PTPN1: variants seen among roughly 807,000 people sequenced by gnomAD.
PTPN1 encodes the protein protein tyrosine phosphatase non-receptor type 1, also known as tyrosine-protein phosphatase non-receptor type 1.
PTPN1 carries 12 observed loss-of-function variants against 59.9 expected under a neutral mutation model. The observed-to-expected ratio is 0.20, with a 90% CI of 0.13 to 0.32. The LOEUF (loss-of-function observed/expected upper bound fraction) is 0.32, where lower values mean the gene tolerates loss of function less well. Ranked by LOEUF, PTPN1 falls within the 10% of genes least tolerant of loss-of-function variation. The pLI, the probability that PTPN1 is intolerant of heterozygous loss-of-function variation, is 1.00. For missense variants in PTPN1, 356 were observed against 549.2 expected, an observed-to-expected ratio of 0.65 and a Z score of 3.52; for synonymous variants, 178 against 203.6, an observed-to-expected ratio of 0.87 and a Z score of 1.07.
rs2082871877 is a variant in PTPN1, at chr20:50,582,138, G to A, written c.1285-554G>A. 6.6e-6 allele frequency among the ~76,000 whole-genome samples: 1 copy of A among 152,228 alleles called. No homozygotes were observed. On this transcript the variant is annotated intron_variant, in intron 9 of 9. Transcript: ENST00000371621. The surrounding 1 kb of genome is among the most constrained non-coding windows in gnomAD (Gnocchi z 4.2). The stretch of plus-strand genomic sequence containing the variant: ...CTTCTGCTCAGGGTGTCCCCGCTGG[G>A]TTTCCATTGTCCTTTCTCCATTGCT...
rs1258528842 is a variant in PTPN1 at position 50,510,553 on chromosome 20, A to G, written c.26A>G (p.Gln9Arg). 1.9e-6 allele frequency: 3 copies of G among 1,551,016 alleles called. No homozygotes were observed. The highest frequency in any genetic ancestry group is 2.6e-6 in the Non-Finnish European group (3 of 1,146,702). The change falls in exon 1 of 10, where the codon CAG becomes CGG. Residue 9 changes from glutamine (Q) to arginine (R), a missense_variant. By Grantham distance (43) the Gln-to-Arg change is conservative. This residue lies in a region of PTPN1 where 194 missense variants were observed against 344.2 expected (regional missense o/e 0.56). Transcript: ENST00000371621. MEMEKEFEQIDKSGSWAAI... is the reference protein window; with the variant it reads MEMEKEFERIDKSGSWAAI... ...ATGGAGATGGAAAAGGAGTTCGAGC[A>G]GATCGACAAGTCCGGGAGCTGGGCG...
intron 1 of PTPN1, among the ~76,000 whole-genome samples, chr20:50,546,701 A>G (rs1261123880): frequency 6.6e-6 from 1 of 152,242 alleles, no homozygotes; most frequent in African/African-American, 2.4e-5. Flanking sequence ...CCAAAGTATC[A>G]TCCTAGTTTT....
chr20:50,580,566 C>T (rs1303654560), intron 8 of PTPN1, among the ~76,000 whole-genome samples: 2 of 152,080 alleles, frequency 1.3e-5, no homozygotes, highest in African/African-American at 2.4e-5. Flanking sequence ...AGTAGGTGGC[C>T]GTGCACGGAA....
At chr20:50,547,882 A>G (rs1397711689) in intron 1 of PTPN1, among the ~76,000 whole-genome samples, 1 of 152,238 alleles carries the variant, frequency 6.6e-6, no homozygotes, top group East Asian at 1.9e-4. Context: ...TAGGGTCACC[A>G]TCAATGACAA....
intron 1 of PTPN1, among the ~76,000 whole-genome samples, chr20:50,534,071 A>G (rs2082613399): frequency 6.6e-6 from 1 of 152,142 alleles, no homozygotes; most frequent in Non-Finnish European, 1.5e-5. Flanking sequence ...GCTGGGAATT[A>G]CAGGCATGCG....
At chr20:50,536,868 C>G (rs2082626026) in intron 1 of PTPN1, among the ~76,000 whole-genome samples, 1 of 151,980 alleles carries the variant, frequency 6.6e-6, no homozygotes, top group South Asian at 2.1e-4. Flanking sequence ...TATTTTTATG[C>G]TATATTTCAT....
At chr20:50,532,470 G>A (rs2082605726) in intron 1 of PTPN1, among the ~76,000 whole-genome samples, 1 of 152,218 alleles carries the variant, frequency 6.6e-6, no homozygotes, top group Non-Finnish European at 1.5e-5. Context: ...TGTCATGCTT[G>A]AAAAGTTGGA....
At position 50,584,215 on chromosome 20, in the gene PTPN1, A is replaced by G. The variant is rs570354921; in HGVS notation, c.*1500A>G. On this transcript the variant is annotated 3_prime_UTR_variant, in exon 10 of 10. Transcript: ENST00000371621. ...CCTTTCTCGTGGTAGAAGCCAGTACAGAGAAATTCTGTGGTGGGAACATTC... is the reference window on the plus strand; with the variant it reads ...CCTTTCTCGTGGTAGAAGCCAGTACGGAGAAATTCTGTGGTGGGAACATTC... 1.3e-5 allele frequency: 2 copies of G among 152,724 alleles called. No homozygotes were observed. The highest frequency in any genetic ancestry group is 1.3e-4 in the Admixed American group (2 of 15,232). The allele number at this position is 152,724 out of a possible 1,614,324, so 9.5% of individuals were successfully genotyped here.
intron 1 of PTPN1, chr20:50,558,108 T>C (rs2082734088): frequency 6.6e-6 from 1 of 152,236 alleles, no homozygotes; most frequent in African/African-American, 2.4e-5. Flanking sequence ...TAGCTGGGAT[T>C]ATAGACGCAT....
intron 4 of PTPN1, 136 bp from the exon 5 acceptor site, chr20:50,574,380 TG>T: frequency 1.1e-6 from 1 of 898,602 alleles, no homozygotes; most frequent in Non-Finnish European, 1.6e-6. Context: ...CAGGCATCTG[TG>T]CTGACCATGG....
chr20:50,582,702 A>G lies in PTPN1; in HGVS notation c.1295A>G (p.Asn432Ser). The G allele has an allele frequency of 1.9e-6, 3 of 1,613,804 alleles. No individual in the cohort carries two copies. Among genetic ancestry groups the G allele is most frequent in the East Asian group, 2.2e-5 (1 of 44,870 alleles). Reference protein sequence around the residue: ...GAYLCYRFLFNSNT With the variant: ...GAYLCYRFLFSSNT ...TTGGTTTCATTCCAGTTCCTGTTCA[A>G]CAGCAACACATAGCCTGACCCTCCT... The change falls in exon 10 of 10, where the codon AAC becomes AGC. Residue 432 changes from asparagine (N) to serine (S), a missense_variant. Transcript: ENST00000371621. This position sits in a 1 kb window ranked among gnomAD's most constrained non-coding sequence, Gnocchi z 4.2.
rs2082853512 is a variant in PTPN1 at position 50,579,310 on chromosome 20, T to C, written c.845T>C (p.Met282Thr). Reference sequence around the variant, plus strand: ...GTGATCGAAGGTGCCAAATTCATCATGGGGGACTCTTCCGTGCAGGTCAGC... The same window carrying C: ...GTGATCGAAGGTGCCAAATTCATCACGGGGGACTCTTCCGTGCAGGTCAGC... ...LAVIEGAKFI[M>T]GDSSVQDQWK... Residue 282 changes from methionine (M) to threonine (T), a missense_variant, in exon 7 of 10, where the codon ATG (methionine) becomes ACG (threonine). Met to Thr is a moderately conservative substitution (Grantham distance 81). This residue lies in a region of PTPN1 where 100 missense variants were observed against 107.7 expected (regional missense o/e 0.93). Coordinates refer to ENST00000371621, the MANE Select transcript of PTPN1 (RefSeq NM_002827.4). 1.9e-6 allele frequency: 3 copies of C among 1,614,216 alleles called. No homozygotes were observed. In the East Asian group the frequency reaches 6.7e-5, roughly 36 times the overall value.
chr20:50,533,584 T>C (rs1033431285), intron 1 of PTPN1, among the ~76,000 whole-genome samples: 5 of 152,176 alleles, frequency 3.3e-5, no homozygotes, highest in African/African-American at 1.2e-4. Flanking sequence ...CCCGCTCTTT[T>C]CAGCTGGCTC....
intron 1 of PTPN1, among the ~76,000 whole-genome samples, chr20:50,541,940 T>TA (rs1201660786): frequency 6.6e-6 from 1 of 152,364 alleles, no homozygotes; most frequent in East Asian, 1.9e-4. Flanking sequence ...CTCTCGTTTT[T>TA]ACTAGCCAAC....
At chr20:50,554,485 A>T (rs1297258619) in intron 1 of PTPN1, among the ~76,000 whole-genome samples, 1 of 152,184 alleles carries the variant, frequency 6.6e-6, no homozygotes, top group Non-Finnish European at 1.5e-5. Flanking sequence ...TAGCATAAAA[A>T]AAAGGAAGTC....
chr20:50,554,793 A>C (rs2082719052), intron 1 of PTPN1, among the ~76,000 whole-genome samples: 1 of 152,186 alleles, frequency 6.6e-6, no homozygotes, highest in South Asian at 2.1e-4. Flanking sequence ...CTAAAAAATG[A>C]AAATAAAGAG....
In PTPN1 at chr20:50,578,585, G is replaced by A. The variant is rs2082848857; in HGVS notation, c.658G>A (p.Gly220Ser). Residue 220 changes from glycine (G) to serine (S), a missense_variant, in exon 6 of 10, where the codon GGC becomes AGC. By Grantham distance (56) the Gly-to-Ser change is moderately conservative. This residue lies in a region of PTPN1 where 194 missense variants were observed against 344.2 expected (regional missense o/e 0.56). Transcript: ENST00000371621. The part of the protein sequence containing the change: ...PVVVHCSAGI[G>S]RSGTFCLADT... ...TGTGGTGCACTGCAGTGCAGGCATC[G>A]GCAGGTCTGGAACCTTCTGTCTGGC... 1.2e-6 allele frequency: 2 copies of A among 1,614,076 alleles called. No individual in the cohort carries two copies. Among genetic ancestry groups the A allele is most frequent in the Non-Finnish European group, 1.7e-6 (2 of 1,180,054 alleles).
intron 1 of PTPN1, among the ~76,000 whole-genome samples, chr20:50,546,749 A>T (rs1009824768): frequency 3.9e-5 from 6 of 152,210 alleles, no homozygotes; most frequent in Non-Finnish European, 8.8e-5. Flanking sequence ...TAGGAGTATC[A>T]TGTGGATTCC....
intron 1 of PTPN1, among the ~76,000 whole-genome samples, chr20:50,530,856 G>A (rs1417835846): frequency 6.6e-6 from 1 of 152,082 alleles, no homozygotes; most frequent in Admixed American, 6.6e-5. Context: ...ACTGTGCCCA[G>A]CTAATTGTTT....
Sources: allele counts gnomAD v4.1 joint callset (sites outside exome capture counted in the v4.1 genomes callset), GRCh38; gene constraint gnomAD v4.1.1; regional missense constraint gnomAD v4.1.1; non-coding constraint Gnocchi (gnomAD v3.1); transcripts MANE v1.5; gene names NCBI Gene and HGNC (gene_info 2026-07-23, HGNC 2026-07-21).